Variants in ODAD3 observed in about 807,000 individuals in gnomAD.
ODAD3 encodes outer dynein arm docking complex subunit 3.
ODAD3 carries 57 observed loss-of-function variants against 70.9 expected under a neutral mutation model. The observed-to-expected ratio is 0.80, with a 90% CI of 0.65 to 1.00. The LOEUF (loss-of-function observed/expected upper bound fraction) is 1.00, where lower values mean the gene tolerates loss of function less well. Among genes scored for constraint, ODAD3 ranks in the 50% least tolerant of loss-of-function variants. The pLI is 0.00. For synonymous variants in ODAD3, 327 were observed against 315.9 expected (o/e 1.04, Z -0.37); for missense variants, 797 against 763.9 (o/e 1.04, Z -0.51).
upstream of ODAD3, chr19:11,435,315 G>T: frequency 1.4e-6 from 1 of 737,502 alleles, no homozygotes; most frequent in Admixed American, 3.3e-5. Context: ...CGGAGGGTCT[G>T]GACACTTTGG....
At chr19:11,431,675 C>T (rs917713383) in intron 1 of ODAD3, among the ~76,000 whole-genome samples, 3 of 151,484 alleles carry the variant, frequency 2.0e-5, no homozygotes, top group Admixed American at 1.3e-4. Flanking sequence ...TGGCTCACGT[C>T]CATAATCCCA....
intron 3 of ODAD3, among the ~76,000 whole-genome samples, chr19:11,429,645 T>C (rs1969461234): frequency 6.6e-6 from 1 of 151,986 alleles, no homozygotes; most frequent in Admixed American, 6.6e-5. Context: ...CCTGACCTTG[T>C]GATCCACCCA....
chr19:11,425,721 A>G (rs1969354574), intron 7 of ODAD3, among the ~76,000 whole-genome samples: 1 of 150,518 alleles, frequency 6.6e-6, no homozygotes, highest in African/African-American at 2.4e-5. Context: ...CCCAAAAAAC[A>G]AAAAGGCAGG....
At chr19:11,431,208 T>A (rs1161445305) in intron 1 of ODAD3, 188 bp from the exon 2 acceptor site, 4 of 630,618 alleles carry the variant, frequency 6.3e-6, no homozygotes, top group Non-Finnish European at 1.1e-5. Flanking sequence ...GCCTCCCGGG[T>A]TCAAGAGATT....
Position 11,426,667 on chromosome 19 carries a change from C to G in ODAD3, c.714+16G>C, listed in dbSNP as rs775780766. The G allele has an allele frequency of 1.2e-6, 2 of 1,613,702 alleles. No homozygotes were observed. The highest frequency in any genetic ancestry group is 1.7e-6 in the Non-Finnish European group (2 of 1,179,796). The stretch of plus-strand genomic sequence containing the variant: ...CTCCCTGTTTGTCATCTCACCCGAG[C>G]CCTCCTAGTCCCTACCATTAGATAG... On this transcript the variant is annotated intron_variant, in intron 5 of 12. Coordinates refer to ENST00000356392, the MANE Select transcript of ODAD3 (RefSeq NM_145045.5).
Position 11,430,969 on chromosome 19 carries a change from T to G in ODAD3, c.296A>C (p.Asn99Thr). The G allele has an allele frequency of 6.2e-7, 1 of 1,614,092 alleles. No homozygotes were observed. The highest frequency in any genetic ancestry group is 8.5e-7 in the Non-Finnish European group (1 of 1,180,022). Residue 99 changes from asparagine (N) to threonine (T), a missense_variant, in exon 2 of 13, where the codon AAC becomes ACC. By Grantham distance (65) the Asn-to-Thr change is moderately conservative. Coordinates refer to ENST00000356392, the MANE Select transcript of ODAD3 (RefSeq NM_145045.5). ...GCGGAGCTGACTGATGGTCTCCTGG[T>G]TCTTCTTGATGTTCCACTGAGAGCT... ...FESSQWNIKKNQETISQLRKE... is the reference protein window; with the variant it reads ...FESSQWNIKKTQETISQLRKE...
intron 3 of ODAD3, 149 bp downstream of exon 3, chr19:11,430,550 C>A (rs903138456): frequency 3.0e-5 from 23 of 766,688 alleles, no homozygotes; most frequent in Middle Eastern, 3.6e-4. Flanking sequence ...ATGCCAGATA[C>A]AAGGAAAGTG....
In ODAD3 at chr19:11,424,657, GTA is replaced by G. The variant is rs1288126077; in HGVS notation, c.964-630_964-629del. On this transcript the variant is annotated intron_variant, in intron 7 of 12. Coordinates refer to ENST00000356392, the MANE Select transcript of ODAD3 (RefSeq NM_145045.5). ...TATATATGTGTATATATACCTATGT[GTA>G]TATATGTATATATGTGTATATATAC... is the stretch of plus-strand genomic sequence containing the variant. Among the ~76,000 whole-genome samples, 4 of 91,700 alleles carry G rather than the reference GTA, an allele frequency of 4.4e-5. 1 individual carries two copies. The highest frequency in any genetic ancestry group is 2.0e-4 in the African/African-American group (3 of 14,658). The allele number at this position is 91,700 out of a possible 152,430, so 60.2% of individuals were successfully genotyped here. A position where few individuals can be genotyped will look rare whatever the true frequency, so the allele number is the denominator to read the frequency against.
At position 11,426,282 on chromosome 19, in the gene ODAD3, G is replaced by A. The variant is rs373293869; in HGVS notation, c.841-16C>T. 2.0e-5 allele frequency: 32 copies of A among 1,613,422 alleles called. No individual in the cohort carries two copies. In the African/African-American group the frequency reaches 3.9e-4, roughly 19 times the overall value. On this transcript the variant is annotated splice_polypyrimidine_tract_variant and intron_variant, in intron 6 of 12. Transcript: ENST00000356392. ...GCAGCTGGTTCTGGAGGGCGGGCAG[G>A]GTAGCAGGGAGACCAGCTGGCACCT...
At chr19:11,431,783 A>C (rs959618508) in intron 1 of ODAD3, among the ~76,000 whole-genome samples, 1 of 151,382 alleles carries the variant, frequency 6.6e-6, no homozygotes, top group African/African-American at 2.4e-5. Context: ...AAATACAAAA[A>C]AAAAAAAAAA....
intron 3 of ODAD3, among the ~76,000 whole-genome samples, chr19:11,427,877 G>T (rs1969418662): frequency 6.6e-6 from 1 of 151,818 alleles, no homozygotes; most frequent in African/African-American, 2.4e-5. Flanking sequence ...AAGGCGGGTG[G>T]ATCACGAGGT....
chr19:11,421,833 C>T lies in ODAD3; in HGVS notation c.1435-1G>A. On this transcript the variant is annotated splice_acceptor_variant, in intron 10 of 12. Transcript: ENST00000356392. LOFTEE classifies it high-confidence loss of function. ...CCTTTCCCGCGAAGCGGCCGTCCTCCTGCGGCCAGGGTAGAGCCGGGTCAG... is the reference window on the plus strand; with the variant it reads ...CCTTTCCCGCGAAGCGGCCGTCCTCTTGCGGCCAGGGTAGAGCCGGGTCAG... The T allele has an allele frequency of 7.4e-6, 12 of 1,612,010 alleles. No individual in the cohort carries two copies. Among genetic ancestry groups the T allele is most frequent in the Non-Finnish European group, 1.0e-5 (12 of 1,179,364 alleles).
chr19:11,430,650 G>A, intron 3 of ODAD3, 49 bp downstream of exon 3: 1 of 1,588,868 alleles, frequency 6.3e-7, no homozygotes, highest in Non-Finnish European at 8.6e-7. Context: ...CAGTGGTGAG[G>A]GGACCCAGGC....
intron 3 of ODAD3, among the ~76,000 whole-genome samples, chr19:11,428,396 G>A (rs953672495): frequency 6.6e-6 from 1 of 151,798 alleles, no homozygotes; most frequent in Non-Finnish European, 1.5e-5. Context: ...TGCATGCCAC[G>A]ACGCCTGGGT....
chr19:11,434,582 G>T, intron 1 of ODAD3, 191 bp downstream of exon 1: 2 of 560,790 alleles, frequency 3.6e-6, no homozygotes, highest in Non-Finnish European at 6.1e-6. Context: ...AAAGTATGAA[G>T]TACAGTTCAG....
chr19:11,423,787 G>A, intron 8 of ODAD3, 90 bp downstream of exon 8: 2 of 1,356,142 alleles, frequency 1.5e-6, no homozygotes, highest in South Asian at 2.6e-5. Flanking sequence ...AGGGGAGACA[G>A]GGTGTGTCGG....
At position 11,421,662 on chromosome 19, in the gene ODAD3, A is replaced by C; in HGVS notation, c.1590+15T>G. On this transcript the variant is annotated intron_variant, in intron 11 of 12. Transcript: ENST00000356392. Reference sequence around the variant, plus strand: ...TCCTAGATCTCTGGAGCTCTGCCCCATGGCTGCAGGGCACCTCGCGGTTAG... The same window carrying C: ...TCCTAGATCTCTGGAGCTCTGCCCCCTGGCTGCAGGGCACCTCGCGGTTAG... 1.2e-6 allele frequency: 2 copies of C among 1,608,430 alleles called. No homozygotes were observed. The highest frequency in any genetic ancestry group is 8.5e-7 in the Non-Finnish European group (1 of 1,177,052).
In ODAD3 at chr19:11,435,098, G is replaced by T. The variant is rs1469849452; in HGVS notation, c.-82C>A. The T allele has an allele frequency of 6.6e-7, 1 of 1,510,454 alleles. No homozygotes were observed. The highest frequency in any genetic ancestry group is 8.8e-7 in the Non-Finnish European group (1 of 1,136,142). The allele number at this position is 1,510,454 out of a possible 1,614,324, so 93.6% of individuals were successfully genotyped here. A position where few individuals can be genotyped will look rare whatever the true frequency, so the allele number is the denominator to read the frequency against. On this transcript the variant is annotated 5_prime_UTR_variant, in exon 1 of 13. Transcript: ENST00000356392. ...CCCCTGTCAGGGATCCGTCAGCTCG[G>T]ATTCCTAGGGCTCTGAAAAATGCAC...
intron 7 of ODAD3, among the ~76,000 whole-genome samples, chr19:11,425,114 TATATGTAC>T (rs1397519575): frequency 7.4e-6 from 1 of 135,816 alleles, no homozygotes; most frequent in Non-Finnish European, 1.5e-5. Flanking sequence ...TATATATGTG[TATATGTAC>T]ATATGTGTAT....
Sources: allele counts gnomAD v4.1 joint callset (sites outside exome capture counted in the v4.1 genomes callset), GRCh38; gene constraint gnomAD v4.1.1; transcripts MANE v1.5; gene names NCBI Gene and HGNC (gene_info 2026-07-23, HGNC 2026-07-21).